The following NF1 variants were observed in gnomAD, a reference collection of about 807,000 sequenced individuals.
NF1 encodes the protein neurofibromin 1.
A neutral mutation model predicts 325.7 loss-of-function variants in NF1; 122 were observed. The ratio of observed to expected loss-of-function variants is 0.37; its 90% CI spans 0.32 to 0.44. The LOEUF is 0.44. NF1 is among the 20% of genes least tolerant of loss of function. The pLI, the probability that NF1 is intolerant of heterozygous loss-of-function variation, is 1.00. For missense variants in NF1, 2,140 were observed against 3,415.4 expected, an observed-to-expected ratio of 0.63 and a Z score of 9.31; for synonymous variants, 1,091 against 1,186.0, an observed-to-expected ratio of 0.92 and a Z score of 1.65.
Position 31,375,071 on chromosome 17 carries a change from G to C in NF1, c.*916G>C, listed in dbSNP as rs2070713038. ...CTTCTTTCCTAACTAATTCTGAGCA[G>C]GGTAATCAGTGAACAAAGTGTTGAA... On this transcript the variant is annotated 3_prime_UTR_variant, in exon 58 of 58. Coordinates refer to ENST00000358273, the MANE Select transcript of NF1 (RefSeq NM_001042492.3). 1 of 212,568 alleles carries C rather than the reference G, an allele frequency of 4.7e-6. No individual in the cohort carries two copies. Among genetic ancestry groups the C allele is most frequent in the Non-Finnish European group, 9.5e-6 (1 of 104,842 alleles). 13.2% of individuals were successfully genotyped at this position (212,568 alleles called of 1,614,324 possible).
At chr17:31,283,009 C>A (rs1184355412) in intron 36 of NF1, among the ~76,000 whole-genome samples, 1 of 152,174 alleles carries the variant, frequency 6.6e-6, no homozygotes, top group Admixed American at 6.6e-5. Flanking sequence ...TTAACAATGA[C>A]CATCTTGGAG....
At position 31,265,337 on chromosome 17, in the gene NF1, G is replaced by A. The variant is rs2151470368; in HGVS notation, c.4833G>A (p.Arg1611=). ...AGNPIFYYVA[R]RFKTGQINGD... ...ATCCTATTTTTTATTATGTTGCACG[G>A]AGGTAAGAAATACTATGTTTTGGGT... The change falls in exon 36 of 58, where the codon CGG becomes CGA. Residue 1611 remains arginine (R), a splice_region_variant and synonymous_variant. Coordinates refer to ENST00000358273, the MANE Select transcript of NF1 (RefSeq NM_001042492.3). 6.2e-7 allele frequency: 1 copy of A among 1,605,734 alleles called. No individual in the cohort carries two copies.
intron 36 of NF1, chr17:31,318,826 G>A (rs1291066615): frequency 1.2e-6 from 2 of 1,613,888 alleles, no homozygotes; most frequent in African/African-American, 2.7e-5. Flanking sequence ...AGGAGTTATA[G>A]GGTTTGTGTT....
intron 57 of NF1, 113 bp from the exon 58 acceptor site, chr17:31,373,900 G>A (rs757636965): frequency 3.0e-5 from 40 of 1,317,428 alleles, no homozygotes; most frequent in Non-Finnish European, 3.8e-5. Flanking sequence ...AGACAAAATC[G>A]CCTAATGATT....
At chr17:31,202,370 G>T (rs1401691408) in intron 11 of NF1, among the ~76,000 whole-genome samples, 2 of 152,090 alleles carry the variant, frequency 1.3e-5, no homozygotes, top group Non-Finnish European at 2.9e-5. Flanking sequence ...TGTGCCTCTG[G>T]TGAGTTGAAA....
rs779935770 is a variant in NF1, at chr17:31,218,966, TTTA to T, written c.1528-36_1528-34del. ...CCTCCTTCTAATCTCTCTCGATTTA[TTTA>T]TTTTTTTAATTGAAGTTTCCTTTTT... On this transcript the variant is annotated intron_variant, in intron 13 of 57. Coordinates refer to ENST00000358273, the MANE Select transcript of NF1 (RefSeq NM_001042492.3). 4.7e-6 allele frequency: 7 copies of T among 1,495,660 alleles called. No individual in the cohort carries two copies. In the East Asian group the frequency reaches 7.4e-5, roughly 16 times the overall value. The allele number at this position is 1,495,660 out of a possible 1,614,324, so 92.6% of individuals were successfully genotyped here.
chr17:31,279,246 G>T (rs566570097), intron 36 of NF1, among the ~76,000 whole-genome samples: 183 of 152,118 alleles, frequency 1.2e-3, no homozygotes, highest in Non-Finnish European at 2.2e-3. Context: ...GCGAGACCCT[G>T]TCTCAAAAAA....
intron 35 of NF1, among the ~76,000 whole-genome samples, chr17:31,264,862 A>G (rs2067757793): frequency 6.6e-6 from 1 of 152,238 alleles, no homozygotes; most frequent in South Asian, 2.1e-4. Context: ...CATAAATCAA[A>G]AAAAATGAGC....
Position 31,232,133 on chromosome 17 carries a change from G to T in NF1, c.3258G>T (p.Gln1086His). The T allele has an allele frequency of 6.3e-7, 1 of 1,599,610 alleles. No homozygotes were observed. The highest frequency in any genetic ancestry group is 8.5e-7 in the Non-Finnish European group (1 of 1,175,434). Residue 1086 changes from glutamine to histidine, a missense_variant, in exon 25 of 58, where the codon CAG (glutamine) becomes CAT (histidine). By Grantham distance (24) the Gln-to-His change is conservative (BLOSUM62 0). Around this residue, in one of 10 missense-constraint regions of NF1, gnomAD observed 380 missense variants for 639.3 expected, o/e 0.59. Coordinates refer to ENST00000358273, the MANE Select transcript of NF1 (RefSeq NM_001042492.3). Reference sequence around the variant, plus strand: ...CACTTCTAGCTGGTCTCCCTCTGCAGCCTGAAGAAGGAGATGGTGTGGAAT... The same window carrying T: ...CACTTCTAGCTGGTCTCCCTCTGCATCCTGAAGAAGGAGATGGTGTGGAAT... The part of the protein sequence containing the change: ...VVSLLAGLPL[Q>H]PEEGDGVELM...
intron 36 of NF1, among the ~76,000 whole-genome samples, chr17:31,316,858 AT>A (rs901577576): frequency 6.6e-6 from 1 of 152,034 alleles, no homozygotes; most frequent in Admixed American, 6.6e-5. Flanking sequence ...ATGATGCTTT[AT>A]TTTTTTCCTC....
intron 36 of NF1, among the ~76,000 whole-genome samples, chr17:31,284,595 A>G (rs768925764): frequency 8.6e-5 from 13 of 151,540 alleles, no homozygotes; most frequent in Non-Finnish European, 1.6e-4. Flanking sequence ...TAATTTTTGT[A>G]TATTTTATAG....
chr17:31,265,324 A>G lies in NF1; in HGVS notation c.4820A>G (p.Tyr1607Cys). 6.2e-7 allele frequency: 1 copy of G among 1,611,260 alleles called. No homozygotes were observed. Among genetic ancestry groups the G allele is most frequent in the Non-Finnish European group, 8.5e-7 (1 of 1,177,820 alleles). ...TCCAAAGCTGGGAATCCTATTTTTT[A>G]TTATGTTGCACGGAGGTAAGAAATA... Reference protein sequence around the residue: ...GTSKAGNPIFYYVARRFKTGQ... With the variant: ...GTSKAGNPIFCYVARRFKTGQ... Residue 1607 changes from tyrosine to cysteine, a missense_variant, in exon 36 of 58, where the codon TAT becomes TGT. By Grantham distance (194) the Tyr-to-Cys change is radical. Transcript: ENST00000358273.
intron 20 of NF1, among the ~76,000 whole-genome samples, 179 bp downstream of exon 20, chr17:31,227,785 A>T (rs1177831926): frequency 6.6e-6 from 1 of 152,230 alleles, no homozygotes; most frequent in East Asian, 1.9e-4. Context: ...GCTATGTGTG[A>T]CTATTTAACT....
At chr17:31,223,399 A>G (rs777868672) in intron 15 of NF1, 45 bp from the exon 16 acceptor site, 1 of 1,603,830 alleles carries the variant, frequency 6.2e-7, no homozygotes, top group Non-Finnish European at 8.5e-7. Context: ...TATCTGCATT[A>G]GGTTATTGAT....
At chr17:31,190,106 A>AT (rs1258320389) in intron 8 of NF1, among the ~76,000 whole-genome samples, 1 of 151,152 alleles carries the variant, frequency 6.6e-6, no homozygotes, top group Non-Finnish European at 1.5e-5. Context: ...AAAAAAAAAA[A>AT]AAAGCTGGCC....
intron 48 of NF1, chr17:31,346,084 G>A: frequency 1.2e-6 from 2 of 1,612,136 alleles, no homozygotes; most frequent in Non-Finnish European, 1.7e-6. Flanking sequence ...AAGAGCCGAG[G>A]AGTGCTCCAC....
chr17:31,163,069 G>A, intron 3 of NF1, 117 bp from the exon 4 acceptor site: 1 of 844,028 alleles, frequency 1.2e-6, no homozygotes, highest in Non-Finnish European at 1.9e-6. Flanking sequence ...AATCTAGGTG[G>A]TGTGTATGTA....
intron 36 of NF1, chr17:31,304,909 T>C (rs1404217804): frequency 1.9e-6 from 3 of 1,614,070 alleles, no homozygotes; most frequent in African/African-American, 2.7e-5. Context: ...ATTTTGATCA[T>C]TTAAAACTGG....
At chr17:31,200,924 C>A in intron 9 of NF1, 113 bp from the exon 10 acceptor site, 1 of 1,442,758 alleles carries the variant, frequency 6.9e-7, no homozygotes, top group Non-Finnish European at 9.7e-7. Flanking sequence ...CTTCTTCTGG[C>A]AGCTGGATTT....
Sources: gnomAD v4.1 joint callset for allele counts (sites outside exome capture counted in the v4.1 genomes callset) on GRCh38, gnomAD v4.1.1 for gene constraint, gnomAD v4.1.1 regional missense constraint, MANE v1.5 for transcripts, NCBI Gene and HGNC (gene_info 2026-07-23, HGNC 2026-07-21) for gene names.